VAV2: variants seen among roughly 807,000 people sequenced by gnomAD.
The protein encoded by VAV2 is guanine nucleotide exchange factor VAV2.
In VAV2, 67 loss-of-function variants were observed where a neutral mutation model predicts 132.5. That is an observed-to-expected ratio of 0.51 (90% CI 0.42 to 0.62). The LOEUF is 0.62. Among genes scored for constraint, VAV2 ranks in the 20% least tolerant of loss-of-function variants. The probability of loss-of-function intolerance (pLI) is 0.00; values close to 1 mark genes in which losing one functional copy is unlikely to be tolerated. For synonymous variants in VAV2, 492 were observed against 443.5 expected (o/e 1.11, Z -1.37); for missense variants, 938 against 1,153.6 (o/e 0.81, Z 2.71).
At chr9:133,939,007 A>C (rs902880369) in intron 2 of VAV2, 96 bp downstream of exon 2, 26 of 1,140,682 alleles carry the variant, frequency 2.3e-5, no homozygotes, top group Admixed American at 1.4e-4. Context: ...TGTTGGAGCC[A>C]ATCAGGCTGC....
intron 29 of VAV2, among the ~76,000 whole-genome samples, chr9:133,767,282 A>T (rs1025592275): frequency 6.6e-6 from 1 of 152,194 alleles, no homozygotes; most frequent in Admixed American, 6.5e-5. Flanking sequence ...AGAAAATAAT[A>T]TGCCACACAA....
At chr9:133,887,066 C>A (rs1383884778) in intron 2 of VAV2, among the ~76,000 whole-genome samples, 1 of 152,182 alleles carries the variant, frequency 6.6e-6, no homozygotes, top group Admixed American at 6.5e-5. Flanking sequence ...AGAGGGGTTC[C>A]CTGGGGCTCA....
chr9:133,787,308 C>T (rs772307791), intron 15 of VAV2, 48 bp from the exon 16 acceptor site: 2 of 1,539,422 alleles, frequency 1.3e-6, no homozygotes, highest in South Asian at 1.3e-5. Context: ...CAGTGAGAGG[C>T]TAAGCCCGGC....
chr9:133,988,839 G>A (rs1002724481), intron 1 of VAV2, among the ~76,000 whole-genome samples: 9 of 152,146 alleles, frequency 5.9e-5, no homozygotes, highest in African/African-American at 2.2e-4. Flanking sequence ...AGGCCGAGGC[G>A]GGCAGATCAC....
rs71380265 is a variant in VAV2 at position 133,964,046 on chromosome 9, T to TATAC, written c.205-24831_205-24828dup. Among the ~76,000 whole-genome samples the TATAC allele has an allele frequency of 9.4e-4, 83 of 87,880 alleles. 1 individual carries two copies. The highest frequency in any genetic ancestry group is 3.1e-3 in the African/African-American group (82 of 26,748). The allele number at this position is 87,880 out of a possible 152,430, so 57.7% of individuals were successfully genotyped here. ...TCATATATATATATATATATATATA[T>TATAC]ATACATATATATACATATATATAAA... On this transcript the variant is annotated intron_variant, in intron 1 of 29. Transcript: ENST00000371850.
chr9:133,845,053 G>T, intron 3 of VAV2, among the ~76,000 whole-genome samples: 1 of 152,250 alleles, frequency 6.6e-6, no homozygotes, highest in Non-Finnish European at 1.5e-5. Context: ...GCCAGTGGAG[G>T]TCTGTTGCAG....
intron 3 of VAV2, among the ~76,000 whole-genome samples, chr9:133,836,581 A>G (rs1488939731): frequency 1.3e-5 from 2 of 152,262 alleles, no homozygotes; most frequent in Non-Finnish European, 2.9e-5. Flanking sequence ...ACATCATGGC[A>G]AAGTATTAAT....
At chr9:133,852,773 T>C (rs1418126183) in intron 3 of VAV2, among the ~76,000 whole-genome samples, 1 of 152,130 alleles carries the variant, frequency 6.6e-6, no homozygotes, top group Non-Finnish European at 1.5e-5. Context: ...TACACCATCA[T>C]CCTCATGGTG....
chr9:133,972,530 C>T (rs1842371409), intron 1 of VAV2, among the ~76,000 whole-genome samples: 1 of 152,184 alleles, frequency 6.6e-6, no homozygotes, highest in South Asian at 2.1e-4. Context: ...CACATGTAGC[C>T]GAGGGGCGGC....
chr9:133,914,991 C>G (rs866241427), intron 2 of VAV2, among the ~76,000 whole-genome samples: 49 of 151,644 alleles, frequency 3.2e-4, no homozygotes, highest in African/African-American at 1.2e-3. Flanking sequence ...ACAGCTCGCA[C>G]GGGGGGAAGG....
intron 4 of VAV2, among the ~76,000 whole-genome samples, chr9:133,819,029 G>A (rs181779105): frequency 1.3e-5 from 2 of 152,216 alleles, no homozygotes; most frequent in African/African-American, 4.8e-5. Context: ...ACAGGCATGA[G>A]CCACTGTGCC....
intron 9 of VAV2, among the ~76,000 whole-genome samples, chr9:133,801,775 G>A (rs976530939): frequency 6.6e-6 from 1 of 152,182 alleles, no homozygotes; most frequent in African/African-American, 2.4e-5. Context: ...ACACAGAGAC[G>A]CGGGGAGGCC....
At position 133,918,579 on chromosome 9, in the gene VAV2, CTGA is replaced by C. The variant is rs1840185596; in HGVS notation, c.321+20521_321+20523del. 1.3e-5 allele frequency among the ~76,000 whole-genome samples: 2 copies of C among 152,094 alleles called. No homozygotes were observed. Among genetic ancestry groups the C allele is most frequent in the South Asian group, 2.1e-4 (1 of 4,820 alleles). ...GTTCCTGCCTCACAACTCCACGTGG[CTGA>C]TACTGTTATGTCCATTTCGTGGGTA... On this transcript the variant is annotated intron_variant, in intron 2 of 29. Coordinates refer to ENST00000371850, the MANE Select transcript of VAV2 (RefSeq NM_001134398.2). This position sits in a 1 kb window ranked among gnomAD's most constrained non-coding sequence, Gnocchi z 4.7.
At chr9:133,929,053 G>C (rs556037093) in intron 2 of VAV2, among the ~76,000 whole-genome samples, 1 of 152,202 alleles carries the variant, frequency 6.6e-6, no homozygotes, top group Non-Finnish European at 1.5e-5. Context: ...CACAGCCCTC[G>C]GCATGGGGGA....
At chr9:133,772,075 C>T (rs1833648422) in intron 25 of VAV2, 29 bp from the exon 26 acceptor site, 1 of 1,602,844 alleles carries the variant, frequency 6.2e-7, no homozygotes, top group African/African-American at 1.3e-5. Context: ...CCGGCGGTCA[C>T]CGCGTGAGGG....
rs946844879 is a variant in VAV2 at position 133,794,397 on chromosome 9, C to T, written c.1101+1271G>A. Among the ~76,000 whole-genome samples, 4 of 152,200 alleles carry T rather than the reference C, an allele frequency of 2.6e-5. No homozygotes were observed. Among genetic ancestry groups the T allele is most frequent in the African/African-American group, 9.6e-5 (4 of 41,456 alleles). On this transcript the variant is annotated intron_variant, in intron 12 of 29. Coordinates refer to ENST00000371850, the MANE Select transcript of VAV2 (RefSeq NM_001134398.2). The surrounding 1 kb of genome is among the most constrained non-coding windows in gnomAD (Gnocchi z 4.6). ...TCTGGGACCACCTCCCGTGCCCACA[C>T]ACGAGTGCCCACAGGATTTGGAGTA...
Position 133,941,067 on chromosome 9 carries a change from G to A in VAV2, c.205-1848C>T, listed in dbSNP as rs372831551. 7.2e-5 allele frequency among the ~76,000 whole-genome samples: 11 copies of A among 151,946 alleles called. 1 individual carries two copies. The East Asian group carries it at 1.7e-3, about 24-fold the overall frequency. On this transcript the variant is annotated intron_variant, in intron 1 of 29. Transcript: ENST00000371850. Reference sequence around the variant, plus strand: ...GACAGGAACGTTCTATCCATCTACCGTCCAATAGGGCAGCCACTAGACACC... The same window carrying A: ...GACAGGAACGTTCTATCCATCTACCATCCAATAGGGCAGCCACTAGACACC...
chr9:133,861,355 C>A lies in VAV2; in HGVS notation c.380+19G>T, dbSNP rs780059518. The A allele has an allele frequency of 5.5e-5, 89 of 1,604,428 alleles. No homozygotes were observed. Among genetic ancestry groups the A allele is most frequent in the Non-Finnish European group, 7.4e-5 (87 of 1,174,648 alleles). On this transcript the variant is annotated intron_variant, in intron 3 of 29. Coordinates refer to ENST00000371850, the MANE Select transcript of VAV2 (RefSeq NM_001134398.2). ...AGATGAAAGGACCCGGCCTTGGCAG[C>A]GCACTCCGGAGAGCTCACCTGATCC...
intron 1 of VAV2, among the ~76,000 whole-genome samples, chr9:133,973,012 C>T (rs139469930): frequency 4.4e-4 from 67 of 152,182 alleles, no homozygotes; most frequent in African/African-American, 1.5e-3. Flanking sequence ...CTGGGGAAGC[C>T]GTTGCCTGGA....
Sources: gnomAD v4.1 joint callset for allele counts (sites outside exome capture counted in the v4.1 genomes callset) on GRCh38, gnomAD v4.1.1 for gene constraint, Gnocchi (gnomAD v3.1) non-coding constraint, MANE v1.5 for transcripts, NCBI Gene and HGNC (gene_info 2026-07-23, HGNC 2026-07-21) for gene names.